MEGF10: variants seen among roughly 807,000 people sequenced by gnomAD.
MEGF10 encodes multiple EGF like domains 10.
In MEGF10, 86 loss-of-function variants were observed where a neutral mutation model predicts 147.5. The observed-to-expected ratio is 0.58, with a 90% CI of 0.49 to 0.70. The LOEUF is 0.70. Ranked by LOEUF, MEGF10 falls within the 30% of genes least tolerant of loss-of-function variation. MEGF10 has a pLI of 0.00. For missense variants in MEGF10, 1,329 were observed against 1,487.3 expected (o/e 0.89, Z 1.75); for synonymous variants, 478 against 525.5 (o/e 0.91, Z 1.24).
chr5:127,422,750 C>T lies in MEGF10; in HGVS notation c.1671C>T (p.Cys557=). ...GCTGCCACCCTACCACGGGCCATTG[C>T]CGCTGCCTCCCCGGATGGTCAGGTG... ...ADGCHPTTGH[C]RCLPGWSGVH... is the part of the protein sequence containing the mutation. The change falls in exon 13 of 25, where the codon TGC becomes TGT. Residue 557 remains cysteine, a synonymous_variant. Transcript: ENST00000503335. 3.1e-6 allele frequency: 5 copies of T among 1,614,046 alleles called. No homozygotes were observed. Among genetic ancestry groups the T allele is most frequent in the Non-Finnish European group, 4.2e-6 (5 of 1,179,958 alleles).
intron 9 of MEGF10, among the ~76,000 whole-genome samples, chr5:127,416,308 T>A (rs538036986): frequency 6.6e-6 from 1 of 151,878 alleles, no homozygotes; most frequent in Non-Finnish European, 1.5e-5. Flanking sequence ...GATTACAAGT[T>A]TGAGCCACCA....
intron 1 of MEGF10, among the ~76,000 whole-genome samples, chr5:127,316,846 G>A (rs1333898307): frequency 4.6e-5 from 7 of 152,160 alleles, no homozygotes; most frequent in Non-Finnish European, 1.0e-4. Context: ...ATGTTTCAGG[G>A]TGTTACAGGA....
chr5:127,366,723 T>A (rs957895829), intron 4 of MEGF10, among the ~76,000 whole-genome samples: 1 of 152,222 alleles, frequency 6.6e-6, no homozygotes, highest in Non-Finnish European at 1.5e-5. Context: ...ATTATTACAA[T>A]TGACTGAACT....
At chr5:127,387,975 G>A (rs1009854349) in intron 5 of MEGF10, among the ~76,000 whole-genome samples, 60 of 151,682 alleles carry the variant, frequency 4.0e-4, no homozygotes, top group Middle Eastern at 3.4e-3. Flanking sequence ...GCTTGTGAAA[G>A]TTATAGCGCT....
In MEGF10 at chr5:127,449,091, T is replaced by G. The variant is rs201148765; in HGVS notation, c.2857-8T>G. ...TTTTTAATCTTTCGTTGTTTATATTTTTAACAGTCAAAAAACAATCAACTG... is the reference window on the plus strand; with the variant it reads ...TTTTTAATCTTTCGTTGTTTATATTGTTAACAGTCAAAAAACAATCAACTG... On this transcript the variant is annotated splice_region_variant and splice_polypyrimidine_tract_variant and intron_variant, in intron 21 of 24. Transcript: ENST00000503335. 1.2e-3 allele frequency: 2,005 copies of G among 1,613,986 alleles called. 8 individuals carry two copies. The highest frequency in any genetic ancestry group is 2.2e-3 in the Admixed American group (130 of 60,000).
chr5:127,345,193 G>T (rs1761837376), intron 4 of MEGF10, among the ~76,000 whole-genome samples: 1 of 152,180 alleles, frequency 6.6e-6, no homozygotes, highest in Non-Finnish European at 1.5e-5. Context: ...GATTCTTGGA[G>T]AAAAAACTCT....
At chr5:127,349,309 C>T (rs972298259) in intron 4 of MEGF10, among the ~76,000 whole-genome samples, 1 of 152,106 alleles carries the variant, frequency 6.6e-6, no homozygotes, top group African/African-American at 2.4e-5. Context: ...TTGGTAGTCT[C>T]TTCAATTCAT....
intron 9 of MEGF10, 117 bp downstream of exon 9, chr5:127,410,718 A>G (rs1332480017): frequency 8.8e-6 from 8 of 913,006 alleles, no homozygotes; most frequent in African/African-American, 1.6e-5. Context: ...TCCTGCCTCT[A>G]GGCTACTCTG....
intron 4 of MEGF10, among the ~76,000 whole-genome samples, chr5:127,358,785 C>T (rs1264698373): frequency 6.6e-6 from 1 of 152,164 alleles, no homozygotes; most frequent in Non-Finnish European, 1.5e-5. Context: ...AATTTGTGCT[C>T]AGGAAAACTA....
In MEGF10 at chr5:127,351,757, T is replaced by C. The variant is rs373678696; in HGVS notation, c.319+11127T>C. On this transcript the variant is annotated intron_variant, in intron 4 of 24. Coordinates refer to ENST00000503335, the MANE Select transcript of MEGF10 (RefSeq NM_001256545.2). ...CACTCCTGTAACTTCACACTACACA[T>C]GGAATGAGCCCAAAGGCAAGGTGGA... is the stretch of plus-strand genomic sequence containing the variant. 6.6e-5 allele frequency among the ~76,000 whole-genome samples: 10 copies of C among 152,318 alleles called. 1 individual carries two copies. The highest frequency in any genetic ancestry group is 4.6e-4 in the Admixed American group (7 of 15,306).
At chr5:127,365,181 T>G (rs1377388331) in intron 4 of MEGF10, among the ~76,000 whole-genome samples, 2 of 152,220 alleles carry the variant, frequency 1.3e-5, no homozygotes. Context: ...TGGATAATTG[T>G]TCCTTTAAAA....
At chr5:127,328,079 T>A (rs1761110237) in intron 1 of MEGF10, among the ~76,000 whole-genome samples, 1 of 152,196 alleles carries the variant, frequency 6.6e-6, no homozygotes, top group Admixed American at 6.5e-5. Context: ...CAAGATAGAA[T>A]GAAAGGACAA....
chr5:127,446,717 T>C (rs921575348), intron 20 of MEGF10, among the ~76,000 whole-genome samples: 1 of 152,210 alleles, frequency 6.6e-6, no homozygotes, highest in African/African-American at 2.4e-5. Flanking sequence ...AATCAGGCCC[T>C]TTTAGGAAAG....
intron 4 of MEGF10, among the ~76,000 whole-genome samples, chr5:127,368,304 C>G (rs1186493559): frequency 6.6e-6 from 1 of 152,166 alleles, no homozygotes; most frequent in Non-Finnish European, 1.5e-5. Context: ...CCAGAAAACT[C>G]TACCCTGGAC....
chr5:127,451,223 T>G (rs1012027449), intron 22 of MEGF10, among the ~76,000 whole-genome samples: 2 of 152,200 alleles, frequency 1.3e-5, no homozygotes, highest in Non-Finnish European at 2.9e-5. Flanking sequence ...ACTGCTCCCC[T>G]TAAACACTGC....
chr5:127,247,289 G>C, the MEGF10 span, among the ~76,000 whole-genome samples: 2 of 115,846 alleles, frequency 1.7e-5, no homozygotes, highest in Admixed American at 1.1e-4. Flanking sequence ...GTGGTTGGGG[G>C]GTGGGGGAGA....
the MEGF10 span, among the ~76,000 whole-genome samples, chr5:127,271,392 C>G: frequency 6.6e-6 from 1 of 151,150 alleles, no homozygotes; most frequent in Non-Finnish European, 1.5e-5. Flanking sequence ...CCTTTGCCTA[C>G]TTTTTAGTGG....
At chr5:127,393,005 G>T (rs1529467) in intron 5 of MEGF10, among the ~76,000 whole-genome samples, 25,447 of 152,140 alleles carry the variant, frequency 0.17, 2,262 homozygotes, top group African/African-American at 0.23. Flanking sequence ...AAATGAGTCG[G>T]CACTTGCTCA....
intron 1 of MEGF10, among the ~76,000 whole-genome samples, chr5:127,318,903 A>G (rs1335010483): frequency 6.6e-6 from 1 of 152,220 alleles, no homozygotes; most frequent in Non-Finnish European, 1.5e-5. Context: ...GTATATAAAA[A>G]TTGCTAATTC....
Sources: gnomAD v4.1 joint callset for allele counts (sites outside exome capture counted in the v4.1 genomes callset) on GRCh38, gnomAD v4.1.1 for gene constraint, MANE v1.5 for transcripts, NCBI Gene and HGNC (gene_info 2026-07-23, HGNC 2026-07-21) for gene names.